Variants in IFT56 observed in about 807,000 individuals in gnomAD.
IFT56 encodes the protein intraflagellar transport protein 56.
chr7:139,163,210 C>T, the IFT56 span, among the ~76,000 whole-genome samples: 9 of 151,124 alleles, frequency 6.0e-5, no homozygotes, highest in South Asian at 6.2e-4. Context: ...GGTGTTATGG[C>T]GGGTGCCTTT....
the IFT56 span, among the ~76,000 whole-genome samples, chr7:139,188,958 C>T: frequency 6.6e-6 from 1 of 152,120 alleles, no homozygotes; most frequent in African/African-American, 2.4e-5. Context: ...GGTGTTAGAG[C>T]TAGAACTTGA....
At chr7:139,168,038 T>A in the IFT56 span, among the ~76,000 whole-genome samples, 2 of 152,080 alleles carry the variant, frequency 1.3e-5, no homozygotes, top group African/African-American at 4.8e-5. Flanking sequence ...TATATCAACA[T>A]TTTACTTTTT....
the IFT56 span, among the ~76,000 whole-genome samples, chr7:139,179,159 A>C: frequency 6.6e-6 from 1 of 152,322 alleles, no homozygotes; most frequent in Admixed American, 6.5e-5. Context: ...AAGTGGGAGG[A>C]TCACTTGAGC....
chr7:139,159,773 G>A, the IFT56 span, among the ~76,000 whole-genome samples: 2 of 152,160 alleles, frequency 1.3e-5, no homozygotes, highest in African/African-American at 2.4e-5. Context: ...GTATGTCAAT[G>A]TGTAGTGGGG....
chr7:139,156,790 C>G, the IFT56 span, among the ~76,000 whole-genome samples: 2 of 152,142 alleles, frequency 1.3e-5, no homozygotes, highest in African/African-American at 2.4e-5. Context: ...TTAGATATGT[C>G]TGCTTCTGAA....
chr7:139,185,201 C>CA, the IFT56 span, among the ~76,000 whole-genome samples: 9 of 149,804 alleles, frequency 6.0e-5, no homozygotes, highest in East Asian at 1.9e-4. Flanking sequence ...ACCTTGTGTC[C>CA]AAAAAAAAAG....
chr7:139,157,139 C>CTTTTT, the IFT56 span, among the ~76,000 whole-genome samples: 168 of 82,090 alleles, frequency 2.0e-3, 1 homozygote, highest in East Asian at 3.0e-3. Context: ...TCTTTAATTT[C>CTTTTT]TTTTTTTTTT....
At chr7:139,172,316 A>T in the IFT56 span, among the ~76,000 whole-genome samples, 1 of 152,202 alleles carries the variant, frequency 6.6e-6, no homozygotes, top group South Asian at 2.1e-4. Flanking sequence ...GTGTCAGAGC[A>T]CTATAGGCAC....
At chr7:139,148,236 C>G in the IFT56 span, 1 of 1,612,716 alleles carries the variant, frequency 6.2e-7, no homozygotes, top group South Asian at 1.1e-5. Flanking sequence ...TTTATGTGGC[C>G]CTCTGCTACT....
the IFT56 span, among the ~76,000 whole-genome samples, chr7:139,143,214 A>G: frequency 1.3e-5 from 2 of 152,168 alleles, no homozygotes; most frequent in Non-Finnish European, 2.9e-5. Context: ...TGATATTGCT[A>G]AGTTGTTTTA....
the IFT56 span, among the ~76,000 whole-genome samples, chr7:139,176,715 C>T: frequency 1.1e-4 from 17 of 152,180 alleles, 1 homozygote; most frequent in Non-Finnish European, 1.6e-4. Flanking sequence ...CACTCCTGGA[C>T]GTTCACAAAT....
the IFT56 span, chr7:139,189,225 C>T: frequency 1.4e-5 from 12 of 846,990 alleles, no homozygotes; most frequent in East Asian, 2.9e-4. Flanking sequence ...AAATGCCCTA[C>T]AAGACATACA....
chr7:139,164,894 G>A, the IFT56 span, among the ~76,000 whole-genome samples: 1 of 152,132 alleles, frequency 6.6e-6, no homozygotes, highest in Non-Finnish European at 1.5e-5. Flanking sequence ...TGACAAGGCT[G>A]TTAAGAAGGA....
the IFT56 span, among the ~76,000 whole-genome samples, chr7:139,182,075 T>C: frequency 1.3e-5 from 2 of 151,024 alleles, no homozygotes; most frequent in Non-Finnish European, 1.5e-5. Context: ...GGCTGTTTTG[T>C]GTGCATGCTG....
At chr7:139,154,910 T>G in the IFT56 span, among the ~76,000 whole-genome samples, 1 of 152,174 alleles carries the variant, frequency 6.6e-6, no homozygotes, top group East Asian at 1.9e-4. Context: ...AAAGATCAGT[T>G]TTGGGATTAA....
At chr7:139,183,843 TAGC>T in the IFT56 span, among the ~76,000 whole-genome samples, 4 of 152,226 alleles carry the variant, frequency 2.6e-5, no homozygotes, top group African/African-American at 9.6e-5. Context: ...TAAATGTTAA[TAGC>T]AGCTTTATTT....
At chr7:139,157,147 T>TC in the IFT56 span, among the ~76,000 whole-genome samples, 6 of 102,812 alleles carry the variant, frequency 5.8e-5, no homozygotes, top group Admixed American at 1.2e-4. Flanking sequence ...TTCTTTTTTT[T>TC]TTTTTTTTTT....
At chr7:139,147,082 A>G in the IFT56 span, 70 of 1,601,654 alleles carry the variant, frequency 4.4e-5, no homozygotes, top group East Asian at 1.3e-3. Flanking sequence ...TCACATAGAT[A>G]TTGATTTCTC....
the IFT56 span, among the ~76,000 whole-genome samples, chr7:139,155,244 T>C: frequency 6.6e-6 from 1 of 152,152 alleles, no homozygotes; most frequent in Non-Finnish European, 1.5e-5. Context: ...TATAAGATTA[T>C]GTTTGTGAAT....
Sources: allele counts gnomAD v4.1 joint callset (sites outside exome capture counted in the v4.1 genomes callset), GRCh38; gene constraint gnomAD v4.1.1; transcripts MANE v1.5; gene names NCBI Gene and HGNC (gene_info 2026-07-23, HGNC 2026-07-21).